Variants in SCHIP1 observed in about 807,000 individuals in gnomAD.
SCHIP1 encodes schwannomin-interacting protein 1.
SCHIP1 carries 8 observed loss-of-function variants against 29.7 expected under a neutral mutation model. The observed-to-expected ratio is 0.27, with a 90% CI of 0.16 to 0.49. SCHIP1 has a LOEUF of 0.49. SCHIP1 is among the 20% of genes least tolerant of loss of function. The pLI is 0.99. For synonymous variants in SCHIP1, 76 were observed against 94.9 expected, an observed-to-expected ratio of 0.80 and a Z score of 1.16; for missense variants, 193 against 294.6, an observed-to-expected ratio of 0.66 and a Z score of 2.52.
At chr3:159,470,857 A>G in the SCHIP1 span, among the ~76,000 whole-genome samples, 52 of 152,298 alleles carry the variant, frequency 3.4e-4, no homozygotes, top group Non-Finnish European at 6.2e-4. Context: ...TTCAATTCAT[A>G]TCTTCAATAC....
At chr3:159,304,467 A>G in the SCHIP1 span, among the ~76,000 whole-genome samples, 22 of 152,272 alleles carry the variant, frequency 1.4e-4, no homozygotes, top group South Asian at 4.2e-3. Context: ...CCTTCCATAA[A>G]TGAAGCTAGA....
chr3:159,849,056 C>T (rs970948494), intron 1 of SCHIP1, among the ~76,000 whole-genome samples: 7 of 147,756 alleles, frequency 4.7e-5, no homozygotes, highest in African/African-American at 1.2e-4. Flanking sequence ...AGAACACTTA[C>T]GACAAAAAAG....
At chr3:159,847,146 A>G (rs1711952342) in intron 1 of SCHIP1, among the ~76,000 whole-genome samples, 1 of 152,138 alleles carries the variant, frequency 6.6e-6, no homozygotes, top group African/African-American at 2.4e-5. Flanking sequence ...CTTGGAAAGG[A>G]TGGTGGTGAT....
chr3:159,496,880 A>G, the SCHIP1 span, among the ~76,000 whole-genome samples: 1 of 152,212 alleles, frequency 6.6e-6, no homozygotes, highest in Non-Finnish European at 1.5e-5. Context: ...GATAGACTGG[A>G]TTAAGAAAAT....
At chr3:159,542,730 G>T in the SCHIP1 span, among the ~76,000 whole-genome samples, 1 of 151,988 alleles carries the variant, frequency 6.6e-6, no homozygotes, top group South Asian at 2.1e-4. Flanking sequence ...TCTCACAAAG[G>T]AATTTCTGAA....
At chr3:159,800,189 T>C in the SCHIP1 span, among the ~76,000 whole-genome samples, 65 of 152,252 alleles carry the variant, frequency 4.3e-4, no homozygotes, top group African/African-American at 1.5e-3. Context: ...TATGAGTAAA[T>C]GAATGTAAAC....
At chr3:159,410,371 C>T in the SCHIP1 span, among the ~76,000 whole-genome samples, 6 of 152,048 alleles carry the variant, frequency 3.9e-5, no homozygotes, top group East Asian at 9.6e-4. Context: ...TATTTGCAAA[C>T]TACCAATCTG....
the SCHIP1 span, among the ~76,000 whole-genome samples, chr3:159,813,673 G>A: frequency 6.6e-6 from 1 of 151,436 alleles, no homozygotes; most frequent in African/African-American, 2.5e-5. Context: ...GGGCAACAGA[G>A]TGAGACGCTA....
chr3:159,575,112 A>C, the SCHIP1 span, among the ~76,000 whole-genome samples: 2 of 152,146 alleles, frequency 1.3e-5, no homozygotes, highest in African/African-American at 4.8e-5. Context: ...GGCTGCACCC[A>C]CTGTCCAACC....
the SCHIP1 span, among the ~76,000 whole-genome samples, chr3:159,752,517 C>CAG: frequency 1.8e-3 from 267 of 152,190 alleles, no homozygotes; most frequent in African/African-American, 6.3e-3. Flanking sequence ...GCAGGCTGTA[C>CAG]AGAAGCATGA....
the SCHIP1 span, among the ~76,000 whole-genome samples, chr3:159,554,971 A>G: frequency 4.6e-5 from 7 of 152,096 alleles, no homozygotes; most frequent in African/African-American, 1.7e-4. Flanking sequence ...ACCCAAAATG[A>G]CATGGATACA....
At chr3:159,479,628 T>A in the SCHIP1 span, among the ~76,000 whole-genome samples, 1 of 152,172 alleles carries the variant, frequency 6.6e-6, no homozygotes, top group African/African-American at 2.4e-5. Flanking sequence ...CATTTTGCAC[T>A]GGATATTTAG....
the SCHIP1 span, among the ~76,000 whole-genome samples, chr3:159,419,038 T>G: frequency 6.6e-6 from 1 of 152,206 alleles, no homozygotes; most frequent in East Asian, 1.9e-4. Context: ...TCTAGTCCAC[T>G]TCTCATATCT....
the SCHIP1 span, among the ~76,000 whole-genome samples, chr3:159,743,656 G>C: frequency 2.6e-5 from 4 of 152,176 alleles, no homozygotes; most frequent in Non-Finnish European, 5.9e-5. Flanking sequence ...CTGGAGAACG[G>C]ATTAGTACTT....
At chr3:159,329,441 C>CAA in the SCHIP1 span, among the ~76,000 whole-genome samples, 1 of 152,116 alleles carries the variant, frequency 6.6e-6, no homozygotes, top group Admixed American at 6.5e-5. Flanking sequence ...CATGAAGTAG[C>CAA]AAGAGATGGG....
chr3:159,529,091 C>CAT, the SCHIP1 span, among the ~76,000 whole-genome samples: 12 of 151,842 alleles, frequency 7.9e-5, no homozygotes, highest in Non-Finnish European at 8.8e-5. Context: ...ATATAATAAC[C>CAT]ATATATATAT....
the SCHIP1 span, among the ~76,000 whole-genome samples, chr3:159,773,523 GTTTT>G: frequency 0.079 from 11,680 of 148,618 alleles, 1,451 homozygotes; most frequent in African/African-American, 0.26. Context: ...TTTTTAAATT[GTTTT>G]TTTTTTCTTT....
the SCHIP1 span, among the ~76,000 whole-genome samples, chr3:159,278,459 A>G: frequency 7.9e-5 from 12 of 152,208 alleles, no homozygotes; most frequent in South Asian, 4.1e-4. Context: ...AGATACTACA[A>G]TGCATAAAAA....
chr3:159,767,135 G>A, the SCHIP1 span, among the ~76,000 whole-genome samples: 1 of 152,114 alleles, frequency 6.6e-6, no homozygotes, highest in Non-Finnish European at 1.5e-5. Flanking sequence ...GTTAATGGTG[G>A]ATTTTTTCAT....
Sources: allele counts gnomAD v4.1 joint callset (sites outside exome capture counted in the v4.1 genomes callset), GRCh38; gene constraint gnomAD v4.1.1; transcripts MANE v1.5; gene names NCBI Gene and HGNC (gene_info 2026-07-23, HGNC 2026-07-21).